PSMB2: variants seen among roughly 807,000 people sequenced by gnomAD.
The protein encoded by PSMB2 is proteasome subunit beta type-2.
A neutral mutation model predicts 25.7 loss-of-function variants in PSMB2; 13 were observed. The observed-to-expected ratio is 0.51, with a 90% CI of 0.33 to 0.80. PSMB2 has a LOEUF of 0.80. Ranked by LOEUF, PSMB2 falls within the 30% of genes least tolerant of loss-of-function variation. The pLI is 0.02. For synonymous variants in PSMB2, 87 were observed against 96.2 expected (o/e 0.90, Z 0.56); for missense variants, 202 against 259.0 (o/e 0.78, Z 1.51).
chr1:35,624,233 T>C (rs1557454146), intron 3 of PSMB2, among the ~76,000 whole-genome samples: 1 of 152,210 alleles, frequency 6.6e-6, no homozygotes, highest in Non-Finnish European at 1.5e-5. Context: ...TTTTAAATCA[T>C]GCTATTTGGG....
At chr1:35,615,682 A>T (rs1650473420) in intron 3 of PSMB2, among the ~76,000 whole-genome samples, 2 of 152,178 alleles carry the variant, frequency 1.3e-5, no homozygotes. Flanking sequence ...GTGGACACAG[A>T]AAAAGAGAGG....
Position 35,600,960 on chromosome 1 carries a change from T to TC in PSMB2, c.*2306_*2307insG. On this transcript the variant is annotated 3_prime_UTR_variant, in exon 6 of 6. Transcript: ENST00000373237. ...TATCTACCACATAGAATAGGTGCTA[T>TC]TTCAGTCATTGTACAGATGGGAAAA... 1 of 985,200 alleles carries TC rather than the reference T, an allele frequency of 1.0e-6. No individual in the cohort carries two copies. Among genetic ancestry groups the TC allele is most frequent in the Non-Finnish European group, 1.2e-6 (1 of 829,800 alleles). The allele number at this position is 985,200 out of a possible 1,614,324, so 61.0% of individuals were successfully genotyped here. A position where few individuals can be genotyped will look rare whatever the true frequency, so the allele number is the denominator to read the frequency against.
intron 1 of PSMB2, among the ~76,000 whole-genome samples, chr1:35,639,191 T>G (rs911462109): frequency 9.2e-5 from 14 of 152,096 alleles, no homozygotes; most frequent in Admixed American, 5.9e-4. Context: ...GAGGTGGAGG[T>G]TGCAGTGAGC....
chr1:35,627,248 G>C lies in PSMB2; in HGVS notation c.285+4026C>G, dbSNP rs561057425. Among the ~76,000 whole-genome samples, 4 of 108,004 alleles carry C rather than the reference G, an allele frequency of 3.7e-5. No individual in the cohort carries two copies. In the South Asian group the frequency reaches 9.6e-4, roughly 26 times the overall value. 70.9% of individuals were successfully genotyped at this position (108,004 alleles called of 152,430 possible). ...TGCCACCTCTTAGGTGACAGAGCGA[G>C]ACCCTATCTCAAAAAAAAAAAAAAA... On this transcript the variant is annotated intron_variant, in intron 3 of 5. Transcript: ENST00000373237.
At chr1:35,628,772 C>T (rs189183799) in intron 3 of PSMB2, among the ~76,000 whole-genome samples, 1 of 150,326 alleles carries the variant, frequency 6.7e-6, no homozygotes, top group Non-Finnish European at 1.5e-5. Context: ...TGTACAAGCC[C>T]TTGGTCAAAG....
chr1:35,603,649 A>G (rs561829806), intron 5 of PSMB2, among the ~76,000 whole-genome samples: 11 of 152,300 alleles, frequency 7.2e-5, no homozygotes, highest in African/African-American at 2.6e-4. Context: ...GAATGAGACA[A>G]TCCAGTGTTC....
intron 1 of PSMB2, among the ~76,000 whole-genome samples, chr1:35,636,766 T>A (rs1342781193): frequency 6.6e-6 from 1 of 152,200 alleles, no homozygotes; most frequent in Non-Finnish European, 1.5e-5. Flanking sequence ...GCATAGGTAA[T>A]ATGCAAATAC....
chr1:35,601,599 A>G lies in PSMB2; in HGVS notation c.*1668T>C. 1.0e-6 allele frequency: 1 copy of G among 985,206 alleles called. No individual in the cohort carries two copies. Among genetic ancestry groups the G allele is most frequent in the Non-Finnish European group, 1.2e-6 (1 of 829,712 alleles). The allele number at this position is 985,206 out of a possible 1,614,324, so 61.0% of individuals were successfully genotyped here. A position where few individuals can be genotyped will look rare whatever the true frequency, so the allele number is the denominator to read the frequency against. On this transcript the variant is annotated 3_prime_UTR_variant, in exon 6 of 6. Coordinates refer to ENST00000373237, the MANE Select transcript of PSMB2 (RefSeq NM_002794.5). ...CACCCAAATCTAATGTTAACCCAAT[A>G]CTTTAATATGAACGTTATGATCAGT...
In PSMB2 at chr1:35,603,040, CG is replaced by C; in HGVS notation, c.*226del. ...AAGGGTACTGAGCGTTAATGGAGGG[CG>C]GAGCAGGAAGAAAAGTCAGACCTGG... On this transcript the variant is annotated 3_prime_UTR_variant, in exon 6 of 6. Coordinates refer to ENST00000373237, the MANE Select transcript of PSMB2 (RefSeq NM_002794.5). 3 of 1,294,556 alleles carry C rather than the reference CG, an allele frequency of 2.3e-6. No homozygotes were observed. Among genetic ancestry groups the C allele is most frequent in the Non-Finnish European group, 2.9e-6 (3 of 1,017,790 alleles). 80.2% of individuals were successfully genotyped at this position (1,294,556 alleles called of 1,614,324 possible). A position where few individuals can be genotyped will look rare whatever the true frequency, so the allele number is the denominator to read the frequency against.
intron 3 of PSMB2, among the ~76,000 whole-genome samples, chr1:35,626,704 G>C (rs1226220184): frequency 2.0e-5 from 3 of 152,188 alleles, no homozygotes; most frequent in Admixed American, 2.0e-4. Flanking sequence ...TAACATCCTT[G>C]TAAGTAAAAT....
intron 3 of PSMB2, among the ~76,000 whole-genome samples, chr1:35,627,258 CAA>C (rs772688881): frequency 0.058 from 2,097 of 36,256 alleles, 39 homozygotes; most frequent in African/African-American, 0.14. Context: ...GACCCTATCT[CAA>C]AAAAAAAAAA....
intron 3 of PSMB2, among the ~76,000 whole-genome samples, chr1:35,615,830 G>A (rs924223016): frequency 6.6e-6 from 1 of 152,198 alleles, no homozygotes; most frequent in African/African-American, 2.4e-5. Context: ...GCTAAGCAGT[G>A]TGTGAGGTCA....
chr1:35,601,048 T>C lies in PSMB2; in HGVS notation c.*2219A>G. ...TCCACTGGGTAGGGCGTCAGAATCA[T>C]CTGTGGCGCTTTTTTTTTTTTTTTT... On this transcript the variant is annotated 3_prime_UTR_variant, in exon 6 of 6. Coordinates refer to ENST00000373237, the MANE Select transcript of PSMB2 (RefSeq NM_002794.5). 2.5e-6 allele frequency: 2 copies of C among 810,788 alleles called. No individual in the cohort carries two copies. The highest frequency in any genetic ancestry group is 3.0e-6 in the Non-Finnish European group (2 of 674,880). The allele number at this position is 810,788 out of a possible 1,614,324, so 50.2% of individuals were successfully genotyped here. A position where few individuals can be genotyped will look rare whatever the true frequency, so the allele number is the denominator to read the frequency against.
At chr1:35,631,576 G>A in intron 2 of PSMB2, 2 of 1,167,858 alleles carry the variant, frequency 1.7e-6, no homozygotes, top group Non-Finnish European at 2.2e-6. Context: ...CAGTTCTATA[G>A]TGGAATGAAA....
intron 2 of PSMB2, among the ~76,000 whole-genome samples, chr1:35,632,253 A>G (rs1050330682): frequency 7.9e-5 from 12 of 152,248 alleles, no homozygotes; most frequent in Non-Finnish European, 1.6e-4. Context: ...TGTCATACCA[A>G]CAAAGGTACA....
chr1:35,606,860 C>T (rs1650184835), intron 4 of PSMB2, among the ~76,000 whole-genome samples: 1 of 152,100 alleles, frequency 6.6e-6, no homozygotes, highest in African/African-American at 2.4e-5. Flanking sequence ...GACACATAGA[C>T]CAATTAAACA....
intron 1 of PSMB2, 53 bp downstream of exon 1, chr1:35,641,289 T>C: frequency 1.2e-6 from 2 of 1,608,534 alleles, no homozygotes; most frequent in Non-Finnish European, 1.7e-6. Context: ...ACAAACTCCT[T>C]CTGGCCGCTC....
chr1:35,605,091 C>T (rs1650122627), intron 5 of PSMB2, 142 bp downstream of exon 5: 1 of 710,008 alleles, frequency 1.4e-6, no homozygotes, highest in East Asian at 2.7e-5. Flanking sequence ...AACTCTATCC[C>T]TGGTAGCAAC....
chr1:35,605,566 TGAA>T (rs1293008308), intron 4 of PSMB2, among the ~76,000 whole-genome samples: 1 of 152,230 alleles, frequency 6.6e-6, no homozygotes, highest in African/African-American at 2.4e-5. Context: ...GGCCCACCTC[TGAA>T]GAAGTCCAGC....
Sources: gnomAD v4.1 joint callset for allele counts (sites outside exome capture counted in the v4.1 genomes callset) on GRCh38, gnomAD v4.1.1 for gene constraint, MANE v1.5 for transcripts, NCBI Gene and HGNC (gene_info 2026-07-23, HGNC 2026-07-21) for gene names.